Variants in GPR39 observed in about 807,000 individuals in gnomAD.
GPR39 encodes the protein zinc sensing receptor.
Under a neutral mutation model 18.4 loss-of-function variants are expected in GPR39, and 23 were observed. That is an observed-to-expected ratio of 1.25 (90% confidence interval 0.90 to 1.77). GPR39 has a LOEUF of 1.77. Ranked by LOEUF, GPR39 falls within the 40% of genes most tolerant of loss-of-function variation. The pLI is 0.00. For missense variants in GPR39, 647 were observed against 602.4 expected, an observed-to-expected ratio of 1.07 and a Z score of -0.78; for synonymous variants, 280 against 257.9, an observed-to-expected ratio of 1.09 and a Z score of -0.82.
chr2:132,466,239 C>A (rs1680925249), intron 1 of GPR39, among the ~76,000 whole-genome samples: 1 of 152,180 alleles, frequency 6.6e-6, no homozygotes, highest in African/African-American at 2.4e-5. Flanking sequence ...CAAATATTTT[C>A]TCAATATTTC....
At chr2:132,605,056 G>C (rs889776994) in intron 1 of GPR39, 9 of 152,164 alleles carry the variant, frequency 5.9e-5, no homozygotes, top group African/African-American at 1.7e-4. Flanking sequence ...TTTACTGTTG[G>C]AGAAATTGAG....
At chr2:132,476,319 G>A (rs1442145452) in intron 1 of GPR39, among the ~76,000 whole-genome samples, 1 of 152,108 alleles carries the variant, frequency 6.6e-6, no homozygotes, top group Non-Finnish European at 1.5e-5. Flanking sequence ...GAGGCAAAAT[G>A]TATTTCTTCA....
At chr2:132,625,230 G>T (rs745644360) in intron 1 of GPR39, among the ~76,000 whole-genome samples, 10 of 152,126 alleles carry the variant, frequency 6.6e-5, no homozygotes, top group Non-Finnish European at 1.2e-4. Flanking sequence ...GTTATGTGAT[G>T]ACTCCTGATG....
At chr2:132,632,165 C>G (rs903697258) in intron 1 of GPR39, among the ~76,000 whole-genome samples, 1 of 152,024 alleles carries the variant, frequency 6.6e-6, no homozygotes, top group African/African-American at 2.4e-5. Flanking sequence ...TGTTTCCAGG[C>G]CTGGCAGTGG....
At chr2:132,518,458 A>C (rs1274437711) in intron 1 of GPR39, among the ~76,000 whole-genome samples, 4 of 152,206 alleles carry the variant, frequency 2.6e-5, no homozygotes, top group African/African-American at 9.6e-5. Context: ...ACTGCGAGTA[A>C]TGTGTGTTTG....
intron 1 of GPR39, among the ~76,000 whole-genome samples, chr2:132,637,677 G>T (rs1359402362): frequency 6.6e-6 from 1 of 152,232 alleles, no homozygotes; most frequent in Admixed American, 6.5e-5. Flanking sequence ...TTCCAAGAAA[G>T]TCCTAGCTTG....
At chr2:132,619,368 C>G (rs1355674939) in intron 1 of GPR39, among the ~76,000 whole-genome samples, 1 of 152,038 alleles carries the variant, frequency 6.6e-6, no homozygotes, top group Non-Finnish European at 1.5e-5. Context: ...GGCTGGTTTG[C>G]CCACCGAGCG....
At chr2:132,594,875 A>C (rs1202928591) in intron 1 of GPR39, among the ~76,000 whole-genome samples, 1 of 152,128 alleles carries the variant, frequency 6.6e-6, no homozygotes, top group East Asian at 1.9e-4. Context: ...TACTTATCTC[A>C]TAGGGTTGAT....
chr2:132,644,293 G>T (rs1681939960), intron 1 of GPR39, among the ~76,000 whole-genome samples: 1 of 152,210 alleles, frequency 6.6e-6, no homozygotes, highest in Non-Finnish European at 1.5e-5. Context: ...CCTTTGAGTG[G>T]TCTCTTCTCT....
intron 1 of GPR39, among the ~76,000 whole-genome samples, chr2:132,597,598 C>T (rs770189859): frequency 6.1e-4 from 93 of 152,212 alleles, no homozygotes; most frequent in Non-Finnish European, 1.5e-4. Context: ...AGCCCTGCCT[C>T]ACATTCTGCA....
intron 1 of GPR39, among the ~76,000 whole-genome samples, chr2:132,523,088 A>C (rs554045283): frequency 6.6e-6 from 1 of 152,336 alleles, no homozygotes; most frequent in South Asian, 2.1e-4. Flanking sequence ...TTTACTCTGT[A>C]AAATGCAAAT....
rs781649707 is a variant in GPR39 at position 132,417,577 on chromosome 2, C to A, written c.535C>A (p.Pro179Thr). 1.2e-5 allele frequency: 19 copies of A among 1,614,072 alleles called. No individual in the cohort carries two copies. The African/African-American group carries it at 2.4e-4, about 20-fold the overall frequency. Reference protein sequence around the residue: ...PLLFAMGTEYPLVNVPSHRGL... With the variant: ...PLLFAMGTEYTLVNVPSHRGL... ...GCTGTTTGCCATGGGTACTGAGTAC[C>A]CCCTGGTGAACGTGCCCAGCCACCG... The change falls in exon 1 of 2, where the codon CCC (proline) becomes ACC (threonine). Residue 179 changes from proline to threonine, a missense_variant. Around this residue, in one of 3 missense-constraint regions of GPR39, gnomAD observed 581 missense variants for 506.8 expected, o/e 1.15. Coordinates refer to ENST00000329321, the MANE Select transcript of GPR39 (RefSeq NM_001508.3).
At chr2:132,487,904 TAAAC>T (rs1449259833) in intron 1 of GPR39, among the ~76,000 whole-genome samples, 1 of 152,156 alleles carries the variant, frequency 6.6e-6, no homozygotes, top group Admixed American at 6.5e-5. Flanking sequence ...CTAATGAAAT[TAAAC>T]AGTTTCAGGA....
chr2:132,547,858 C>G (rs1007189600), intron 1 of GPR39, among the ~76,000 whole-genome samples: 4 of 152,184 alleles, frequency 2.6e-5, no homozygotes, highest in Non-Finnish European at 5.9e-5. Context: ...TTGTCCATTC[C>G]TAAGGCTGTT....
intron 1 of GPR39, among the ~76,000 whole-genome samples, chr2:132,477,313 C>A (rs1448957640): frequency 6.6e-6 from 1 of 152,076 alleles, no homozygotes; most frequent in African/African-American, 2.4e-5. Flanking sequence ...AAGGGCTTCT[C>A]AGGTGGAGCA....
intron 1 of GPR39, among the ~76,000 whole-genome samples, chr2:132,443,515 C>G (rs1383221815): frequency 6.6e-6 from 1 of 152,146 alleles, no homozygotes; most frequent in Non-Finnish European, 1.5e-5. Flanking sequence ...TGATTTTGCC[C>G]AACCGTAGGC....
At chr2:132,437,902 G>C (rs1189758241) in intron 1 of GPR39, among the ~76,000 whole-genome samples, 1 of 152,192 alleles carries the variant, frequency 6.6e-6, no homozygotes, top group Non-Finnish European at 1.5e-5. Flanking sequence ...ACCTCTGAGA[G>C]CCTAACTCTG....
chr2:132,431,673 C>T (rs1680225807), intron 1 of GPR39, among the ~76,000 whole-genome samples: 1 of 152,106 alleles, frequency 6.6e-6, no homozygotes, highest in Non-Finnish European at 1.5e-5. Flanking sequence ...CCCCGTGGAA[C>T]TTGGCAGTGA....
chr2:132,546,839 C>CAAAAAAAA lies in GPR39; in HGVS notation c.857-98243_857-98236dup, dbSNP rs60267293. ...TCTCCAGGATGCAGTAGCTCCACAG[C>CAAAAAAAA]AAAAAAAAAAAAAAAAAAAAAAAAA... On this transcript the variant is annotated intron_variant, in intron 1 of 1. Transcript: ENST00000329321. Among the ~76,000 whole-genome samples, 76 of 33,964 alleles carry CAAAAAAAA rather than the reference C, an allele frequency of 2.2e-3. 7 individuals are homozygous for CAAAAAAAA. The highest frequency in any genetic ancestry group is 6.1e-3 in the African/African-American group (68 of 11,064). 22.3% of individuals were successfully genotyped at this position (33,964 alleles called of 152,430 possible). A position where few individuals can be genotyped will look rare whatever the true frequency, so the allele number is the denominator to read the frequency against.
Sources: gnomAD v4.1 joint callset for allele counts (sites outside exome capture counted in the v4.1 genomes callset) on GRCh38, gnomAD v4.1.1 for gene constraint, gnomAD v4.1.1 regional missense constraint, MANE v1.5 for transcripts, NCBI Gene and HGNC (gene_info 2026-07-23, HGNC 2026-07-21) for gene names.